The following TIMM23 variants were observed in gnomAD, a reference collection of about 807,000 sequenced individuals.
TIMM23 encodes the protein translocase of inner mitochondrial membrane 23.
Under a neutral mutation model 30.7 loss-of-function variants are expected in TIMM23, and 19 were observed. The observed-to-expected ratio is 0.62, with a 90% confidence interval of 0.43 to 0.91. TIMM23 has a LOEUF of 0.91. Ranked by LOEUF, TIMM23 falls within the 40% of genes least tolerant of loss-of-function variation. The pLI is 0.00. For synonymous variants in TIMM23, 78 were observed against 98.5 expected (o/e 0.79, Z 1.23); for missense variants, 202 against 269.2 (o/e 0.75, Z 1.75).
Position 45,988,723 on chromosome 10 carries a change from C to T in TIMM23, c.404-14C>T. On this transcript the variant is annotated splice_polypyrimidine_tract_variant and intron_variant, in intron 5 of 6. Transcript: ENST00000580018. ...TCACTGTTTTGTCACTGAGCACTTC[C>T]ATTTCCTCTTTAGCTTTGCTCTATA... 6.2e-7 allele frequency: 1 copy of T among 1,613,566 alleles called. No homozygotes were observed. The highest frequency in any genetic ancestry group is 1.1e-5 in the South Asian group (1 of 91,070).
Position 46,003,137 on chromosome 10 carries a change from C to T in TIMM23, c.515-66C>T. On this transcript the variant is annotated intron_variant, in intron 6 of 6. Coordinates refer to ENST00000580018, the MANE Select transcript of TIMM23 (RefSeq NM_006327.4). Reference sequence around the variant, plus strand: ...CCATTTCACAGTACTTTTTATTTAACCCTATCGTGCTAGGGCACTATGCAA... The same window carrying T: ...CCATTTCACAGTACTTTTTATTTAATCCTATCGTGCTAGGGCACTATGCAA... 4 of 1,294,102 alleles carry T rather than the reference C, an allele frequency of 3.1e-6. No individual in the cohort carries two copies. The African/African-American group carries it at 4.4e-5, about 14-fold the overall frequency. 80.2% of individuals were successfully genotyped at this position (1,294,102 alleles called of 1,614,324 possible).
chr10:45,987,536 T>C (rs1383356364), intron 5 of TIMM23, among the ~76,000 whole-genome samples: 1 of 152,084 alleles, frequency 6.6e-6, no homozygotes, highest in Non-Finnish European at 1.5e-5. Context: ...AACCCACTCT[T>C]TGGGTTTGAT....
At position 45,973,807 on chromosome 10, in the gene TIMM23, CTAATTTTT is replaced by C. The variant is rs1163329305; in HGVS notation, c.106+1079_106+1086del. Among the ~76,000 whole-genome samples, 43 of 140,702 alleles carry C rather than the reference CTAATTTTT, an allele frequency of 3.1e-4. 1 individual carries two copies. In the East Asian group the frequency reaches 8.3e-3, roughly 27 times the overall value. 92.3% of individuals were successfully genotyped at this position (140,702 alleles called of 152,430 possible). A position where few individuals can be genotyped will look rare whatever the true frequency, so the allele number is the denominator to read the frequency against. On this transcript the variant is annotated intron_variant, in intron 1 of 6. Coordinates refer to ENST00000580018, the MANE Select transcript of TIMM23 (RefSeq NM_006327.4). ...TCTAGGTACGTACCACCACGCCTGG[CTAATTTTT>C]TTTTTTTTTTGACTTATTGTGGAGA... is the stretch of plus-strand genomic sequence containing the variant.
chr10:45,975,170 G>A (rs1554912748), intron 1 of TIMM23, among the ~76,000 whole-genome samples: 2 of 152,108 alleles, frequency 1.3e-5, no homozygotes, highest in African/African-American at 4.8e-5. Flanking sequence ...TAAATGGCCT[G>A]GACTACACTT....
Position 45,972,796 on chromosome 10 carries a change from C to G in TIMM23, c.106+66C>G, listed in dbSNP as rs782243267. 1,325 of 1,592,098 alleles carry G rather than the reference C, an allele frequency of 8.3e-4. 8 individuals carry two copies. The African/African-American group carries it at 0.013, about 16-fold the overall frequency. The stretch of plus-strand genomic sequence containing the variant: ...TTTGCGTCTACACTAAGTTGCGCGT[C>G]CCATGTTTTATGTTGTTGTTTTTTT... On this transcript the variant is annotated intron_variant, in intron 1 of 6. Transcript: ENST00000580018.
intron 5 of TIMM23, among the ~76,000 whole-genome samples, chr10:45,988,240 G>A (rs1225444060): frequency 6.6e-6 from 1 of 152,168 alleles, no homozygotes; most frequent in Admixed American, 6.6e-5. Flanking sequence ...CAGAAACCCA[G>A]CAAGGCCTGC....
Position 45,988,819 on chromosome 10 carries a change from C to T in TIMM23, c.486C>T (p.Thr162=). The change falls in exon 6 of 7, where the codon ACC becomes ACT. Residue 162 remains threonine (T), a synonymous_variant. Coordinates refer to ENST00000580018, the MANE Select transcript of TIMM23 (RefSeq NM_006327.4). ...ACCTTAACACAGTAGCAGCTGGAAC[C>T]ATGACAGGCATGTTGTATAAATGTA... ...EDDLNTVAAG[T]MTGMLYKCTG... is the part of the protein sequence containing the mutation. The T allele has an allele frequency of 6.2e-7, 1 of 1,613,432 alleles. No individual in the cohort carries two copies. Among genetic ancestry groups the T allele is most frequent in the Middle Eastern group, 1.7e-4 (1 of 6,054 alleles).
At chr10:45,985,551 T>C in intron 5 of TIMM23, 110 bp downstream of exon 5, 1 of 1,353,712 alleles carries the variant, frequency 7.4e-7, no homozygotes. Flanking sequence ...CAATTATGTT[T>C]AAACCCATTC....
intron 6 of TIMM23, chr10:45,992,507 C>T: frequency 2.2e-6 from 1 of 453,966 alleles, no homozygotes; most frequent in Non-Finnish European, 4.4e-6. Context: ...CACTTGGAGG[C>T]TTATGAGTAA....
At chr10:45,997,498 T>C (rs1356925506) in intron 6 of TIMM23, among the ~76,000 whole-genome samples, 4 of 152,268 alleles carry the variant, frequency 2.6e-5, no homozygotes, top group Non-Finnish European at 2.9e-5. Context: ...TTTTGCAAGA[T>C]GAAAAGAGTC....
intron 6 of TIMM23, among the ~76,000 whole-genome samples, chr10:45,993,383 G>C (rs1467761583): frequency 3.9e-4 from 59 of 151,642 alleles, no homozygotes; most frequent in Admixed American, 3.4e-3. Flanking sequence ...CTCCCGAGTA[G>C]CTGGAATTAC....
At chr10:45,988,401 TG>T (rs1168789682) in intron 5 of TIMM23, among the ~76,000 whole-genome samples, 2 of 151,834 alleles carry the variant, frequency 1.3e-5, no homozygotes, top group Admixed American at 1.3e-4. Context: ...CAGAAAGGTG[TG>T]GGGAAAGATT....
At position 45,982,749 on chromosome 10, in the gene TIMM23, A is replaced by C. The variant is rs1273722241; in HGVS notation, c.260-97A>C. ...TACATTTGTCTTTTTCTATTAAATA[A>C]AAATGAAAAAGAATCAGAAGTGTAG... On this transcript the variant is annotated intron_variant, in intron 3 of 6. Transcript: ENST00000580018. The C allele has an allele frequency of 3.8e-6, 6 of 1,574,902 alleles. No individual in the cohort carries two copies. In the African/African-American group the frequency reaches 8.2e-5, roughly 22 times the overall value.
chr10:45,973,948 T>C (rs1156451564), intron 1 of TIMM23, among the ~76,000 whole-genome samples: 2 of 152,116 alleles, frequency 1.3e-5, no homozygotes, highest in African/African-American at 4.8e-5. Flanking sequence ...GCTACTACTT[T>C]ACCTGTTTAG....
intron 6 of TIMM23, among the ~76,000 whole-genome samples, chr10:45,999,284 A>G (rs1838445981): frequency 6.6e-6 from 1 of 152,104 alleles, no homozygotes; most frequent in Non-Finnish European, 1.5e-5. Flanking sequence ...GGGACTACAG[A>G]TGCATGCCAC....
intron 2 of TIMM23, among the ~76,000 whole-genome samples, chr10:45,981,447 T>C (rs1837841178): frequency 1.3e-5 from 2 of 151,862 alleles, no homozygotes; most frequent in African/African-American, 4.8e-5. Context: ...TCTATACAAT[T>C]ATATTATGAC....
intron 6 of TIMM23, among the ~76,000 whole-genome samples, chr10:45,999,084 T>C (rs1309852070): frequency 6.6e-6 from 1 of 152,122 alleles, no homozygotes; most frequent in Non-Finnish European, 1.5e-5. Flanking sequence ...TTGCCCACCT[T>C]GGCCTTCCAA....
chr10:45,980,569 T>A (rs1403530084), intron 2 of TIMM23, among the ~76,000 whole-genome samples: 1 of 152,130 alleles, frequency 6.6e-6, no homozygotes, highest in Non-Finnish European at 1.5e-5. Flanking sequence ...ATTTTTAACA[T>A]CCATAGTGTT....
rs1434005016 is a variant in TIMM23 at position 45,992,255 on chromosome 10, G to A, written c.514+3408G>A. ...CTGGATTACAGGCGTGAGCCACTGT[G>A]CCCAGCTGCCTGAATTGTTTTTGAC... On this transcript the variant is annotated intron_variant, in intron 6 of 6. Coordinates refer to ENST00000580018, the MANE Select transcript of TIMM23 (RefSeq NM_006327.4). The A allele has an allele frequency of 1.7e-5, 7 of 418,346 alleles. No homozygotes were observed. The Admixed American group carries it at 1.9e-4, about 11-fold the overall frequency. The allele number at this position is 418,346 out of a possible 1,614,324, so 25.9% of individuals were successfully genotyped here. A position where few individuals can be genotyped will look rare whatever the true frequency, so the allele number is the denominator to read the frequency against.
Sources: allele counts gnomAD v4.1 joint callset (sites outside exome capture counted in the v4.1 genomes callset), GRCh38; gene constraint gnomAD v4.1.1; transcripts MANE v1.5; gene names NCBI Gene and HGNC (gene_info 2026-07-23, HGNC 2026-07-21).